SPTLC3: variants seen among roughly 807,000 people sequenced by gnomAD.
The protein encoded by SPTLC3 is serine palmitoyltransferase long chain base subunit 3, also known as serine palmitoyltransferase 3.
In SPTLC3, 36 loss-of-function variants were observed where a neutral mutation model predicts 59.3. The ratio of observed to expected loss-of-function variants is 0.61; its 90% CI spans 0.47 to 0.80. The LOEUF is 0.80. Ranked by LOEUF, SPTLC3 falls within the 30% of genes least tolerant of loss-of-function variation. The pLI is 0.00. For synonymous variants in SPTLC3, 257 were observed against 240.8 expected (o/e 1.07, Z -0.62); for missense variants, 625 against 685.1 (o/e 0.91, Z 0.98).
intron 11 of SPTLC3, 68 bp from the exon 12 acceptor site, chr20:13,164,685 AT>A: frequency 1.7e-6 from 2 of 1,166,564 alleles, no homozygotes; most frequent in Non-Finnish European, 2.5e-6. Context: ...CTTGCTATTA[AT>A]CTGGGCTCTG....
chr20:13,074,557 T>A, intron 4 of SPTLC3, 60 bp downstream of exon 4: 1 of 1,530,616 alleles, frequency 6.5e-7, no homozygotes, highest in South Asian at 1.2e-5. Context: ...CTTGTGTCTG[T>A]CTCTCAAATC....
At chr20:13,082,213 C>G (rs185120862) in intron 4 of SPTLC3, among the ~76,000 whole-genome samples, 2 of 152,264 alleles carry the variant, frequency 1.3e-5, no homozygotes, top group East Asian at 3.9e-4. Context: ...CACCTTCCAT[C>G]TTCCCACATA....
Position 13,079,942 on chromosome 20 carries a change from C to T in SPTLC3, c.607+5445C>T, listed in dbSNP as rs115040944. ...TCAGGCTTCTCAAGCCTGATTCTGA[C>T]AGTAGTCTATTTTGTCCTAATACCC... is the stretch of plus-strand genomic sequence containing the variant. On this transcript the variant is annotated intron_variant, in intron 4 of 11. Transcript: ENST00000399002. The T allele has an allele frequency of 8.3e-3, 2,632 of 316,640 alleles. 63 individuals are homozygous for T. Among genetic ancestry groups the T allele is most frequent in the African/African-American group, 0.054 (2,389 of 43,880 alleles). 19.6% of individuals were successfully genotyped at this position (316,640 alleles called of 1,614,324 possible).
chr20:13,011,767 T>C (rs1853596986), intron 1 of SPTLC3, among the ~76,000 whole-genome samples: 1 of 151,886 alleles, frequency 6.6e-6, no homozygotes, highest in South Asian at 2.1e-4. Flanking sequence ...TCATATGTCC[T>C]GAGAATGCAC....
chr20:13,049,817 A>AGACTCG (rs767783053), intron 2 of SPTLC3: 2 of 152,206 alleles, frequency 1.3e-5, no homozygotes, highest in Non-Finnish European at 2.9e-5. Flanking sequence ...GGAGCCGGGT[A>AGACTCG]GACTCGGTGG....
intron 1 of SPTLC3, 103 bp downstream of exon 1, chr20:13,009,487 A>T (rs1985117110): frequency 9.1e-7 from 1 of 1,101,574 alleles, no homozygotes; most frequent in East Asian, 2.4e-5. Flanking sequence ...CATCTTATGA[A>T]GGGTTTTTAC....
intron 1 of SPTLC3, among the ~76,000 whole-genome samples, chr20:13,019,647 A>G (rs2122381350): frequency 6.6e-6 from 1 of 152,322 alleles, no homozygotes; most frequent in South Asian, 2.1e-4. Context: ...GTGTTCATCA[A>G]AGTGTTAGAG....
At chr20:13,037,512 G>C (rs1463232493) in intron 1 of SPTLC3, among the ~76,000 whole-genome samples, 2 of 152,108 alleles carry the variant, frequency 1.3e-5, no homozygotes, top group African/African-American at 4.8e-5. Context: ...AACTCAAATT[G>C]AGCCCCATTT....
At chr20:13,082,433 G>A (rs1412848300) in intron 4 of SPTLC3, among the ~76,000 whole-genome samples, 2 of 151,930 alleles carry the variant, frequency 1.3e-5, no homozygotes, top group Non-Finnish European at 2.9e-5. Flanking sequence ...CCCTGTTTTT[G>A]TACAGTTTTA....
chr20:13,037,104 A>T (rs1986771403), intron 1 of SPTLC3, among the ~76,000 whole-genome samples: 1 of 152,116 alleles, frequency 6.6e-6, no homozygotes, highest in Admixed American at 6.6e-5. Context: ...CAGAAATCCC[A>T]ATCAGACACA....
chr20:13,155,877 G>C (rs1402084477), intron 10 of SPTLC3, among the ~76,000 whole-genome samples: 1 of 152,168 alleles, frequency 6.6e-6, no homozygotes. Context: ...ATTCCCACCA[G>C]TTGGCCCTTT....
In SPTLC3 at chr20:13,165,084, G is replaced by A. The variant is rs189912717; in HGVS notation, c.*217G>A. The A allele has an allele frequency of 4.1e-5, 20 of 482,586 alleles. No individual in the cohort carries two copies. The East Asian group carries it at 6.4e-4, about 15-fold the overall frequency. The allele number at this position is 482,586 out of a possible 1,614,324, so 29.9% of individuals were successfully genotyped here. ...CAGATTTAAGTCTCTCTTCTTCCAA[G>A]TATTCTACTAGAAATACACACACAC... On this transcript the variant is annotated 3_prime_UTR_variant, in exon 12 of 12. Coordinates refer to ENST00000399002, the MANE Select transcript of SPTLC3 (RefSeq NM_018327.4).
intron 1 of SPTLC3, among the ~76,000 whole-genome samples, chr20:13,034,450 T>C (rs1986641718): frequency 6.6e-6 from 1 of 152,168 alleles, no homozygotes. Flanking sequence ...TCCCAAACTC[T>C]TTTTGTTGAT....
intron 9 of SPTLC3, among the ~76,000 whole-genome samples, chr20:13,149,808 G>A (rs1404458021): frequency 6.6e-6 from 1 of 152,252 alleles, no homozygotes; most frequent in Non-Finnish European, 1.5e-5. Context: ...AATCAAGGAA[G>A]TAGGGACAGC....
intron 1 of SPTLC3, among the ~76,000 whole-genome samples, chr20:13,024,381 C>T (rs200407898): frequency 1.0e-4 from 12 of 117,662 alleles, no homozygotes; most frequent in Non-Finnish European, 2.0e-4. Flanking sequence ...TTTTGCTATA[C>T]GTTTACTACT....
intron 2 of SPTLC3, among the ~76,000 whole-genome samples, chr20:13,062,633 T>C (rs116309754): frequency 8.3e-4 from 127 of 152,304 alleles, no homozygotes; most frequent in African/African-American, 2.9e-3. Context: ...CATTATTTTA[T>C]CTTTGTGCAT....
chr20:13,113,634 C>T (rs551177778), intron 7 of SPTLC3, among the ~76,000 whole-genome samples: 1 of 152,262 alleles, frequency 6.6e-6, no homozygotes, highest in Admixed American at 6.5e-5. Context: ...AGGTTCAAAT[C>T]CTGGCATCAC....
chr20:13,011,854 C>T (rs1985272361), intron 1 of SPTLC3, among the ~76,000 whole-genome samples: 1 of 151,924 alleles, frequency 6.6e-6, no homozygotes. Context: ...TTACTTGTAA[C>T]AGGACACTAT....
chr20:13,019,358 C>G (rs1985742775), intron 1 of SPTLC3, among the ~76,000 whole-genome samples: 1 of 152,154 alleles, frequency 6.6e-6, no homozygotes, highest in African/African-American at 2.4e-5. Flanking sequence ...TTTGTAACCT[C>G]TAAACTATAG....
Sources: allele counts gnomAD v4.1 joint callset (sites outside exome capture counted in the v4.1 genomes callset), GRCh38; gene constraint gnomAD v4.1.1; transcripts MANE v1.5; gene names NCBI Gene and HGNC (gene_info 2026-07-23, HGNC 2026-07-21).